The following MYRFL variants were observed in gnomAD, a reference collection of about 807,000 sequenced individuals.
MYRFL encodes myelin regulatory factor like, also known as myelin regulatory factor-like protein.
MYRFL carries 88 observed loss-of-function variants against 109.4 expected under a neutral mutation model. The observed-to-expected ratio is 0.80, with a 90% confidence interval of 0.68 to 0.96. The LOEUF (loss-of-function observed/expected upper bound fraction) is 0.96, where lower values mean the gene tolerates loss of function less well. Among genes scored for constraint, MYRFL ranks in the 40% least tolerant of loss-of-function variants. The probability of loss-of-function intolerance (pLI) is 0.00; values close to 1 mark genes in which losing one functional copy is unlikely to be tolerated. For missense variants in MYRFL, 957 were observed against 954.9 expected (o/e 1.00, Z -0.03); for synonymous variants, 324 against 320.9 (o/e 1.01, Z -0.10).
intron 15 of MYRFL, among the ~76,000 whole-genome samples, 194 bp downstream of exon 15, chr12:69,927,942 C>A (rs769317717): frequency 3.2e-4 from 48 of 152,150 alleles, no homozygotes; most frequent in Non-Finnish European, 1.5e-4. Flanking sequence ...TTTAGAGAAA[C>A]GAGTACAGAA....
chr12:69,918,728 TC>T (rs1406439541), intron 13 of MYRFL, among the ~76,000 whole-genome samples: 1 of 152,236 alleles, frequency 6.6e-6, no homozygotes, highest in Non-Finnish European at 1.5e-5. Flanking sequence ...TGCATCTCTT[TC>T]TTATGTTAGC....
intron 3 of MYRFL, 32 bp downstream of exon 3, chr12:69,879,127 A>G: frequency 2.9e-6 from 2 of 688,596 alleles, no homozygotes; most frequent in Non-Finnish European, 5.3e-6. Flanking sequence ...CACATCTGGC[A>G]CTGTTGCTCT....
rs150119581 is a variant in MYRFL, at chr12:69,857,936, T to A, written c.137+2566T>A. On this transcript the variant is annotated intron_variant, in intron 2 of 24. Coordinates refer to ENST00000552032, the MANE Select transcript of MYRFL (RefSeq NM_182530.3). Reference sequence around the variant, plus strand: ...AGTGAGACTAGACATATTTGCCTTGTCCATGACCTTGGAGGGGAAGCATTT... The same window carrying A: ...AGTGAGACTAGACATATTTGCCTTGACCATGACCTTGGAGGGGAAGCATTT... Among the ~76,000 whole-genome samples, 13 of 151,998 alleles carry A rather than the reference T, an allele frequency of 8.6e-5. No homozygotes were observed. The East Asian group carries it at 2.1e-3, about 25-fold the overall frequency.
chr12:69,933,313 C>T (rs1017473996), intron 16 of MYRFL, among the ~76,000 whole-genome samples: 2 of 151,942 alleles, frequency 1.3e-5, no homozygotes, highest in African/African-American at 4.8e-5. Context: ...GCCTTTGAAA[C>T]CTGGTCATCT....
chr12:69,891,186 C>T lies in MYRFL; in HGVS notation c.903+20C>T, dbSNP rs1304172883. The T allele has an allele frequency of 7.1e-7, 1 of 1,414,098 alleles. No homozygotes were observed. Among genetic ancestry groups the T allele is most frequent in the Non-Finnish European group, 9.3e-7 (1 of 1,073,982 alleles). 87.6% of individuals were successfully genotyped at this position (1,414,098 alleles called of 1,614,324 possible). A position where few individuals can be genotyped will look rare whatever the true frequency, so the allele number is the denominator to read the frequency against. On this transcript the variant is annotated intron_variant, in intron 7 of 24. Coordinates refer to ENST00000552032, the MANE Select transcript of MYRFL (RefSeq NM_182530.3). ...ACTAAGGTATGTCTTTTATTTAGTTCAGTTTATATCAGTCAACATTTATTT... is the reference window on the plus strand; with the variant it reads ...ACTAAGGTATGTCTTTTATTTAGTTTAGTTTATATCAGTCAACATTTATTT...
At chr12:69,941,947 A>C (rs1445091677) in intron 19 of MYRFL, among the ~76,000 whole-genome samples, 10 of 151,388 alleles carry the variant, frequency 6.6e-5, no homozygotes, top group African/African-American at 9.8e-5. Flanking sequence ...GAAATGGATA[A>C]ATTCCTGGAC....
intron 1 of MYRFL, among the ~76,000 whole-genome samples, chr12:69,853,321 G>C (rs1884017847): frequency 6.6e-6 from 1 of 151,872 alleles, no homozygotes; most frequent in African/African-American, 2.4e-5. Flanking sequence ...TCCCGGACGG[G>C]GTGGCTGCTG....
intron 19 of MYRFL, chr12:69,946,737 A>G (rs1955848467): frequency 6.6e-6 from 1 of 152,182 alleles, no homozygotes; most frequent in Non-Finnish European, 1.5e-5. Flanking sequence ...CAAATTACCC[A>G]TTTTGCAGCT....
At chr12:69,896,038 C>T (rs528821580) in intron 9 of MYRFL, among the ~76,000 whole-genome samples, 44 of 152,232 alleles carry the variant, frequency 2.9e-4, no homozygotes, top group African/African-American at 9.6e-4. Context: ...AACAAACCCT[C>T]CAGGTGACAC....
At chr12:69,885,593 G>C (rs1173553645) in intron 5 of MYRFL, among the ~76,000 whole-genome samples, 1 of 152,122 alleles carries the variant, frequency 6.6e-6, no homozygotes, top group Non-Finnish European at 1.5e-5. Flanking sequence ...TGATGGTAGA[G>C]GAGTTAAAAG....
chr12:69,952,606 G>C (rs146199245), intron 20 of MYRFL, among the ~76,000 whole-genome samples, 193 bp from the exon 21 acceptor site: 204 of 152,178 alleles, frequency 1.3e-3, no homozygotes, highest in African/African-American at 4.6e-3. Flanking sequence ...TTTCTAATAG[G>C]TACTATAACC....
At chr12:69,926,774 G>T (rs1955098742) in intron 14 of MYRFL, 40 bp downstream of exon 14, 1 of 1,369,690 alleles carries the variant, frequency 7.3e-7, no homozygotes, top group Non-Finnish European at 9.4e-7. Flanking sequence ...TTGGGGAAAG[G>T]AGAGAGTGAG....
intron 2 of MYRFL, among the ~76,000 whole-genome samples, chr12:69,870,105 T>C: frequency 2.2e-5 from 2 of 92,536 alleles, no homozygotes; most frequent in East Asian, 3.1e-4. Flanking sequence ...CTTCCTTTTT[T>C]TTTTTTTTTT....
chr12:69,897,175 G>T lies in MYRFL; in HGVS notation c.1111G>T (p.Gly371Ter). The T allele has an allele frequency of 6.5e-7, 1 of 1,535,616 alleles. No individual in the cohort carries two copies. Among genetic ancestry groups the T allele is most frequent in the Non-Finnish European group, 8.7e-7 (1 of 1,146,526 alleles). Residue 371 changes from glycine (G) to a stop codon, truncating the protein, a stop_gained, in exon 10 of 25, where the codon GGA becomes TGA. Transcript: ENST00000552032. LOFTEE classifies it high-confidence loss of function. ...AATTAGATACTTCATGTTGGTGGTT[G>T]GACTGTATGCTGCTAACCAAGACCA... The part of the protein sequence containing the change: ...PDQRYFMLVV[G>*]LYAANQDQFY...
intron 19 of MYRFL, among the ~76,000 whole-genome samples, chr12:69,948,504 G>A (rs1955892065): frequency 6.6e-6 from 1 of 152,116 alleles, no homozygotes; most frequent in African/African-American, 2.4e-5. Context: ...TAGGACAAAA[G>A]GTAGGAGAAG....
chr12:69,828,237 ACT>A (rs1057406805), intron 1 of MYRFL, among the ~76,000 whole-genome samples: 43 of 151,796 alleles, frequency 2.8e-4, no homozygotes, highest in African/African-American at 1.0e-3. Context: ...CTATGTTAAA[ACT>A]CTGTAAATTG....
chr12:69,946,760 G>A (rs1386041586), intron 19 of MYRFL: 5 of 152,232 alleles, frequency 3.3e-5, no homozygotes, highest in African/African-American at 1.2e-4. Flanking sequence ...TGAAATGGAG[G>A]CACTGGACCT....
intron 9 of MYRFL, among the ~76,000 whole-genome samples, chr12:69,896,285 G>T (rs778128862): frequency 1.6e-4 from 25 of 152,046 alleles, no homozygotes; most frequent in Non-Finnish European, 4.4e-5. Flanking sequence ...TGCTTAGCCC[G>T]GTATATGACA....
rs568419855 is a variant in MYRFL, at chr12:69,896,034, C to T, written c.1091+553C>T. 9.1e-4 allele frequency among the ~76,000 whole-genome samples: 138 copies of T among 152,258 alleles called. 1 individual carries two copies. The highest frequency in any genetic ancestry group is 2.9e-3 in the African/African-American group (119 of 41,538). ...GCTTAGCAATTTGTATTTTAACAAA[C>T]CCTCCAGGTGACACTGATACATACT... is the stretch of plus-strand genomic sequence containing the variant. On this transcript the variant is annotated intron_variant, in intron 9 of 24. Coordinates refer to ENST00000552032, the MANE Select transcript of MYRFL (RefSeq NM_182530.3).
Sources: gnomAD v4.1 joint callset for allele counts (sites outside exome capture counted in the v4.1 genomes callset) on GRCh38, gnomAD v4.1.1 for gene constraint, MANE v1.5 for transcripts, NCBI Gene and HGNC (gene_info 2026-07-23, HGNC 2026-07-21) for gene names.